Variants in SLC4A4 observed in about 807,000 individuals in gnomAD.
The protein encoded by SLC4A4 is solute carrier family 4 member 4, also known as electrogenic sodium bicarbonate cotransporter 1.
Under a neutral mutation model 111.5 loss-of-function variants are expected in SLC4A4, and 27 were observed. That is an observed-to-expected ratio of 0.24 (90% CI 0.18 to 0.33). SLC4A4 has a LOEUF of 0.33. SLC4A4 is among the 10% of genes least tolerant of loss of function. SLC4A4 has a pLI of 1.00. For missense variants in SLC4A4, 909 were observed against 1,315.5 expected, an observed-to-expected ratio of 0.69 and a Z score of 4.78; for synonymous variants, 443 against 463.4, an observed-to-expected ratio of 0.96 and a Z score of 0.57.
rs533799930 is a variant in SLC4A4 at position 71,199,859 on chromosome 4, C to T, written c.-2+12458C>T. 3.3e-5 allele frequency among the ~76,000 whole-genome samples: 5 copies of T among 152,216 alleles called. No homozygotes were observed. In the South Asian group the frequency reaches 1.0e-3, roughly 32 times the overall value. On this transcript the variant is annotated intron_variant, in intron 1 of 25. Transcript: ENST00000264485. Reference sequence around the variant, plus strand: ...AGAGATGGAGTTTCACCATGTTGGCCAGGCTGGTCTCGAACCCCTGACCTC... The same window carrying T: ...AGAGATGGAGTTTCACCATGTTGGCTAGGCTGGTCTCGAACCCCTGACCTC...
At chr4:71,447,528 T>A in intron 8 of SLC4A4, 118 bp from the exon 9 acceptor site, 1 of 724,300 alleles carries the variant, frequency 1.4e-6, no homozygotes, top group South Asian at 1.5e-5. Context: ...ACCTTTGTTT[T>A]AAAGGTGAAT....
chr4:71,333,888 C>G (rs1368702292), intron 3 of SLC4A4, among the ~76,000 whole-genome samples: 4 of 152,088 alleles, frequency 2.6e-5, no homozygotes, highest in Non-Finnish European at 4.4e-5. Flanking sequence ...TGCTGCCAGG[C>G]CTGGGTTTCT....
At chr4:71,257,634 T>C (rs918453552) in intron 3 of SLC4A4, among the ~76,000 whole-genome samples, 3 of 152,198 alleles carry the variant, frequency 2.0e-5, no homozygotes, top group Admixed American at 1.3e-4. Flanking sequence ...CCTACTATAC[T>C]ATTATTGTCT....
intron 13 of SLC4A4, among the ~76,000 whole-genome samples, chr4:71,468,203 C>T (rs1727554694): frequency 6.6e-6 from 1 of 151,994 alleles, no homozygotes; most frequent in African/African-American, 2.4e-5. Flanking sequence ...GAATTTTATT[C>T]ATGTTAGTTT....
Position 71,349,215 on chromosome 4 carries a change from G to A in SLC4A4, c.390-697G>A, listed in dbSNP as rs570930162. Among the ~76,000 whole-genome samples, 7 of 152,258 alleles carry A rather than the reference G, an allele frequency of 4.6e-5. No individual in the cohort carries two copies. In the South Asian group the frequency reaches 1.4e-3, roughly 32 times the overall value. On this transcript the variant is annotated intron_variant, in intron 4 of 25. Transcript: ENST00000264485. ...GTTGTTCCATCGCTAAGGTTAATAG[G>A]ATATCTCATATTATCAGAATAATCT...
intron 16 of SLC4A4, among the ~76,000 whole-genome samples, chr4:71,511,748 C>G (rs1306630281): frequency 1.3e-5 from 2 of 152,076 alleles, no homozygotes; most frequent in East Asian, 1.9e-4. Flanking sequence ...TACCTATAAC[C>G]AAATTTATTC....
intron 3 of SLC4A4, among the ~76,000 whole-genome samples, chr4:71,266,916 T>C (rs541637693): frequency 3.7e-4 from 56 of 152,222 alleles, no homozygotes; most frequent in Non-Finnish European, 5.9e-4. Flanking sequence ...GAAAATTTCA[T>C]GAAAACTGAC....
intron 22 of SLC4A4, among the ~76,000 whole-genome samples, chr4:71,558,913 A>T (rs1203394664): frequency 1.3e-5 from 2 of 151,816 alleles, no homozygotes; most frequent in Admixed American, 6.6e-5. Flanking sequence ...TATGAGAAAC[A>T]CTCAAATATA....
chr4:71,140,916 AAGTT>A (rs1560740483), intron 2 of SLC4A4, among the ~76,000 whole-genome samples: 1 of 152,202 alleles, frequency 6.6e-6, no homozygotes, highest in Admixed American at 6.5e-5. Flanking sequence ...GTGGGATACA[AAGTT>A]ATGTTATAAT....
chr4:71,189,497 C>G (rs187411042), intron 1 of SLC4A4, among the ~76,000 whole-genome samples: 2 of 152,314 alleles, frequency 1.3e-5, no homozygotes, highest in East Asian at 3.9e-4. Flanking sequence ...TTTGGGACAA[C>G]TTCCAGTAGG....
At chr4:71,441,204 TA>T (rs1460839864) in intron 8 of SLC4A4, among the ~76,000 whole-genome samples, 1 of 152,182 alleles carries the variant, frequency 6.6e-6, no homozygotes, top group Non-Finnish European at 1.5e-5. Flanking sequence ...ATATATATAT[TA>T]AAATCATCAA....
chr4:71,183,674 G>A (rs1242578252), upstream of SLC4A4, among the ~76,000 whole-genome samples: 1 of 152,130 alleles, frequency 6.6e-6, no homozygotes, highest in East Asian at 1.9e-4. Flanking sequence ...CAATGAAGTG[G>A]TTAACAAAAT....
At chr4:71,399,426 C>G (rs917776250) in intron 7 of SLC4A4, among the ~76,000 whole-genome samples, 1 of 150,362 alleles carries the variant, frequency 6.7e-6, no homozygotes, top group African/African-American at 2.5e-5. Flanking sequence ...ATTCCATTCT[C>G]CCGTCCCTTC....
chr4:71,125,455 G>A (rs1318357085), intron 2 of SLC4A4, among the ~76,000 whole-genome samples: 1 of 152,166 alleles, frequency 6.6e-6, no homozygotes, highest in African/African-American at 2.4e-5. Context: ...CAGGCCTCAG[G>A]AGGCTGAGGC....
At chr4:71,237,862 A>G (rs1311397614) in intron 2 of SLC4A4, among the ~76,000 whole-genome samples, 1 of 152,174 alleles carries the variant, frequency 6.6e-6, no homozygotes, top group Admixed American at 6.5e-5. Context: ...GTTTCTTAGG[A>G]AAACGGAAAC....
At chr4:71,518,303 G>GGATC in intron 16 of SLC4A4, among the ~76,000 whole-genome samples, 1 of 152,160 alleles carries the variant, frequency 6.6e-6, no homozygotes, top group Non-Finnish European at 1.5e-5. Flanking sequence ...ACATGGGTCT[G>GGATC]CTGAAGTGGG....
In SLC4A4 at chr4:71,386,562, A is replaced by G. The variant is rs375299256; in HGVS notation, c.731-11015A>G. Among the ~76,000 whole-genome samples, 11 of 152,020 alleles carry G rather than the reference A, an allele frequency of 7.2e-5. No individual in the cohort carries two copies. In the East Asian group the frequency reaches 1.7e-3, roughly 24 times the overall value. ...GAAAATTCTTGTTATAATATTTTCTAACAGTTTTATTGAGGTTTTTTCTTT... is the reference window on the plus strand; with the variant it reads ...GAAAATTCTTGTTATAATATTTTCTGACAGTTTTATTGAGGTTTTTTCTTT... On this transcript the variant is annotated intron_variant, in intron 6 of 25. Transcript: ENST00000264485.
chr4:71,373,539 A>G (rs767777057), intron 6 of SLC4A4, among the ~76,000 whole-genome samples: 2 of 152,206 alleles, frequency 1.3e-5, no homozygotes, highest in African/African-American at 2.4e-5. Context: ...AAGAGTTTGT[A>G]TGAGGTAGAG....
intron 7 of SLC4A4, among the ~76,000 whole-genome samples, chr4:71,440,275 G>A (rs1338505244): frequency 6.6e-6 from 1 of 151,994 alleles, no homozygotes; most frequent in Non-Finnish European, 1.5e-5. Flanking sequence ...AAGGCTTATA[G>A]TATTGCCTGG....
Sources: allele counts gnomAD v4.1 joint callset (sites outside exome capture counted in the v4.1 genomes callset), GRCh38; gene constraint gnomAD v4.1.1; transcripts MANE v1.5; gene names NCBI Gene and HGNC (gene_info 2026-07-23, HGNC 2026-07-21).